Variants in SDCCAG8 observed in about 807,000 individuals in gnomAD.
The protein encoded by SDCCAG8 is serologically defined colon cancer antigen 8.
A neutral mutation model predicts 101.8 loss-of-function variants in SDCCAG8; 74 were observed. That is an observed-to-expected ratio of 0.73 (90% CI 0.60 to 0.88). SDCCAG8 has a LOEUF of 0.88. Ranked by LOEUF, SDCCAG8 falls within the 40% of genes least tolerant of loss-of-function variation. The pLI is 0.00. For missense variants in SDCCAG8, 787 were observed against 822.6 expected (o/e 0.96, Z 0.53); for synonymous variants, 281 against 292.9 (o/e 0.96, Z 0.41).
intron 12 of SDCCAG8, among the ~76,000 whole-genome samples, chr1:243,376,158 C>G (rs1022804181): frequency 7.9e-5 from 12 of 152,088 alleles, no homozygotes; most frequent in Non-Finnish European, 1.5e-4. Flanking sequence ...GTCATTTTTT[C>G]TTGTCACTTT....
At chr1:243,403,130 C>G (rs551062238) in intron 13 of SDCCAG8, among the ~76,000 whole-genome samples, 1 of 152,164 alleles carries the variant, frequency 6.6e-6, no homozygotes, top group Non-Finnish European at 1.5e-5. Flanking sequence ...CCGGTTGCCT[C>G]ATGTGGAGCT....
chr1:243,334,286 T>C (rs1048028056), intron 10 of SDCCAG8, among the ~76,000 whole-genome samples: 6 of 152,182 alleles, frequency 3.9e-5, no homozygotes, highest in African/African-American at 1.4e-4. Context: ...TCTTTCTCAA[T>C]ATGTCAGTCT....
At chr1:243,483,160 G>A (rs1007336135) in intron 16 of SDCCAG8, among the ~76,000 whole-genome samples, 9 of 152,190 alleles carry the variant, frequency 5.9e-5, no homozygotes, top group African/African-American at 2.2e-4. Flanking sequence ...GGGGGGTGAA[G>A]GTCGCAGGTG....
At chr1:243,356,052 G>A (rs1012316516) in intron 12 of SDCCAG8, among the ~76,000 whole-genome samples, 2 of 152,208 alleles carry the variant, frequency 1.3e-5, no homozygotes, top group South Asian at 2.1e-4. Flanking sequence ...CTGTAGGAGG[G>A]TCAGTGTTTC....
At chr1:243,493,783 C>T (rs1446591897) in intron 17 of SDCCAG8, among the ~76,000 whole-genome samples, 1 of 151,780 alleles carries the variant, frequency 6.6e-6, no homozygotes, top group African/African-American at 2.4e-5. Flanking sequence ...GACATTATCT[C>T]ATTATACCAA....
chr1:243,360,959 G>A (rs1040843174), intron 12 of SDCCAG8, among the ~76,000 whole-genome samples: 3 of 152,166 alleles, frequency 2.0e-5, no homozygotes, highest in African/African-American at 4.8e-5. Context: ...CTCATGGCAC[G>A]CATCTGCTGA....
chr1:243,318,608 C>A (rs573299649), intron 9 of SDCCAG8: 2 of 981,334 alleles, frequency 2.0e-6, no homozygotes. Context: ...TAACTCTTCC[C>A]GTTTGACCCT....
intron 16 of SDCCAG8, among the ~76,000 whole-genome samples, chr1:243,429,618 TC>T (rs1336236203): frequency 6.6e-6 from 1 of 151,524 alleles, no homozygotes; most frequent in African/African-American, 2.4e-5. Flanking sequence ...AACCTTGAAC[TC>T]CTGGGCTCAA....
Position 243,270,234 on chromosome 1 carries a change from C to G in SDCCAG8, c.197C>G (p.Pro66Arg). The G allele has an allele frequency of 6.2e-7, 1 of 1,614,060 alleles. No individual in the cohort carries two copies. Residue 66 changes from proline to arginine, a missense_variant, in exon 2 of 18, where the codon CCC (proline) becomes CGC (arginine). Pro to Arg is a moderately radical substitution (Grantham distance 103, BLOSUM62 -2). Coordinates refer to ENST00000366541, the MANE Select transcript of SDCCAG8 (RefSeq NM_006642.5). Reference protein sequence around the residue: ...VGNEDARTAWPELQQSHAVNQ... With the variant: ...VGNEDARTAWRELQQSHAVNQ... ...AATGAGGACGCCAGGACAGCCTGGC[C>G]CGAATTACAACAGAGCCATGCTGGT...
intron 16 of SDCCAG8, among the ~76,000 whole-genome samples, chr1:243,478,515 G>A (rs1199726751): frequency 1.3e-5 from 2 of 152,174 alleles, no homozygotes; most frequent in Non-Finnish European, 2.9e-5. Flanking sequence ...TTAGGAATCT[G>A]AGAGAATGAG....
chr1:243,379,148 C>G (rs542632596), intron 13 of SDCCAG8, among the ~76,000 whole-genome samples: 18 of 152,000 alleles, frequency 1.2e-4, no homozygotes, highest in Admixed American at 1.2e-3. Context: ...CCTACCACCA[C>G]TACTACCTCT....
chr1:243,312,398 ATATT>A (rs2072816752), intron 8 of SDCCAG8, among the ~76,000 whole-genome samples: 1 of 152,234 alleles, frequency 6.6e-6, no homozygotes, highest in South Asian at 2.1e-4. Context: ...TTTTGAATAT[ATATT>A]CATGAAACAA....
At chr1:243,286,797 GA>G (rs2069663711) in intron 5 of SDCCAG8, among the ~76,000 whole-genome samples, 1 of 152,310 alleles carries the variant, frequency 6.6e-6, no homozygotes, top group South Asian at 2.1e-4. Context: ...TGATGTAGCA[GA>G]AAAAATGTTG....
rs540598502 is a variant in SDCCAG8, at chr1:243,304,933, A to C, written c.740+156A>C. ...AATTTCCTCAGATTATTAAAGGATGAAAGGCCTAAAATTGAGTTCTTTTCC... is the reference window on the plus strand; with the variant it reads ...AATTTCCTCAGATTATTAAAGGATGCAAGGCCTAAAATTGAGTTCTTTTCC... On this transcript the variant is annotated intron_variant, in intron 7 of 17. Coordinates refer to ENST00000366541, the MANE Select transcript of SDCCAG8 (RefSeq NM_006642.5). The C allele has an allele frequency of 1.2e-5, 7 of 607,804 alleles. No individual in the cohort carries two copies. In the Admixed American group the frequency reaches 2.2e-4, roughly 19 times the overall value. The allele number at this position is 607,804 out of a possible 1,614,324, so 37.7% of individuals were successfully genotyped here. A position where few individuals can be genotyped will look rare whatever the true frequency, so the allele number is the denominator to read the frequency against.
chr1:243,498,874 A>G (rs1574477249), intron 17 of SDCCAG8, among the ~76,000 whole-genome samples: 1 of 152,360 alleles, frequency 6.6e-6, no homozygotes, highest in East Asian at 1.9e-4. Flanking sequence ...CTGGCCCTGC[A>G]GTGCGTCCCA....
At chr1:243,288,749 C>T (rs186006939) in intron 5 of SDCCAG8, among the ~76,000 whole-genome samples, 230 of 152,234 alleles carry the variant, frequency 1.5e-3, no homozygotes, top group African/African-American at 5.3e-3. Flanking sequence ...TGGCTCACGC[C>T]TGTAATCCCA....
At chr1:243,460,867 T>C (rs1261010592) in intron 16 of SDCCAG8, among the ~76,000 whole-genome samples, 1 of 152,204 alleles carries the variant, frequency 6.6e-6, no homozygotes, top group Non-Finnish European at 1.5e-5. Context: ...AGCCTGTGCC[T>C]CCCAGCACAC....
At chr1:243,448,592 C>G (rs1278198512) in intron 16 of SDCCAG8, among the ~76,000 whole-genome samples, 2 of 152,164 alleles carry the variant, frequency 1.3e-5, no homozygotes, top group Non-Finnish European at 2.9e-5. Context: ...TGCCTAGAGA[C>G]CTCTTATTTC....
At position 243,298,803 on chromosome 1, in the gene SDCCAG8, C is replaced by G. The variant is rs575827180; in HGVS notation, c.675+5584C>G. Among the ~76,000 whole-genome samples the G allele has an allele frequency of 4.6e-5, 7 of 152,258 alleles. No homozygotes were observed. In the South Asian group the frequency reaches 1.5e-3, roughly 32 times the overall value. The stretch of plus-strand genomic sequence containing the variant: ...TGTCCATATATATTTGGGTCTATTA[C>G]TGGACTGTGTTTTAGTTAATTGTGC... On this transcript the variant is annotated intron_variant, in intron 6 of 17. Coordinates refer to ENST00000366541, the MANE Select transcript of SDCCAG8 (RefSeq NM_006642.5).
Sources: gnomAD v4.1 joint callset for allele counts (sites outside exome capture counted in the v4.1 genomes callset) on GRCh38, gnomAD v4.1.1 for gene constraint, MANE v1.5 for transcripts, NCBI Gene and HGNC (gene_info 2026-07-23, HGNC 2026-07-21) for gene names.